The following MAPKAP1 variants were observed in gnomAD, a reference collection of about 807,000 sequenced individuals.
The protein encoded by MAPKAP1 is target of rapamycin complex 2 subunit MAPKAP1.
In MAPKAP1, 20 loss-of-function variants were observed where a neutral mutation model predicts 65.7. That is an observed-to-expected ratio of 0.30 (90% CI 0.21 to 0.44). The LOEUF (loss-of-function observed/expected upper bound fraction) is 0.44. Ranked by LOEUF, MAPKAP1 falls within the 20% of genes least tolerant of loss-of-function variation. The pLI, the probability that MAPKAP1 is intolerant of heterozygous loss-of-function variation, is 1.00. For synonymous variants in MAPKAP1, 222 were observed against 244.3 expected (o/e 0.91, Z 0.85); for missense variants, 423 against 648.0 (o/e 0.65, Z 3.77).
intron 7 of MAPKAP1, among the ~76,000 whole-genome samples, chr9:125,511,171 CAT>C (rs1829289639): frequency 7.3e-6 from 1 of 136,176 alleles, no homozygotes; most frequent in Admixed American, 6.9e-5. Flanking sequence ...TCACCATCAT[CAT>C]CATCATCATC....
At chr9:125,471,255 G>A (rs964637627) in intron 9 of MAPKAP1, 2 of 152,300 alleles carry the variant, frequency 1.3e-5, no homozygotes, top group African/African-American at 2.4e-5. Context: ...AAAGAGAAAG[G>A]AGGCCCAGAA....
chr9:125,656,014 A>G (rs1044854471), intron 4 of MAPKAP1, among the ~76,000 whole-genome samples: 2 of 152,230 alleles, frequency 1.3e-5, no homozygotes, highest in African/African-American at 2.4e-5. Flanking sequence ...AACCTAAGTA[A>G]TTAACAATAA....
chr9:125,646,433 C>T (rs1222467218), intron 4 of MAPKAP1, among the ~76,000 whole-genome samples: 1 of 152,186 alleles, frequency 6.6e-6, no homozygotes, highest in African/African-American at 2.4e-5. Context: ...TTTCAGTTTC[C>T]TTCTCTGTAC....
In MAPKAP1 at chr9:125,680,473, A is replaced by AT. The variant is rs376468395; in HGVS notation, c.-69-7831dup. Among the ~76,000 whole-genome samples the AT allele has an allele frequency of 9.7e-3, 1,481 of 152,276 alleles. 12 individuals carry two copies. Among genetic ancestry groups the AT allele is most frequent in the Non-Finnish European group, 0.014 (957 of 67,998 alleles). The stretch of plus-strand genomic sequence containing the variant: ...TTAACTCTAAATTAAATCTTCATTT[A>AT]TTTTTTGGACTAGCAAAAATTGAGC... On this transcript the variant is annotated intron_variant, in intron 1 of 11. Coordinates refer to ENST00000265960, the MANE Select transcript of MAPKAP1 (RefSeq NM_001006617.3).
intron 4 of MAPKAP1, among the ~76,000 whole-genome samples, chr9:125,632,113 C>T (rs1347032245): frequency 6.6e-6 from 1 of 151,648 alleles, no homozygotes; most frequent in Non-Finnish European, 1.5e-5. Flanking sequence ...TCCCAGCTAC[C>T]TGGGAGGCTG....
Position 125,563,808 on chromosome 9 carries a change from C to A in MAPKAP1, c.672-3999G>T, listed in dbSNP as rs145491638. ...CTCTGCTCACTGAAACCTCTGCCTC[C>A]CAGTTTCAAGCGATTCTCCTGCCTC... On this transcript the variant is annotated intron_variant, in intron 5 of 11. Transcript: ENST00000265960. Among the ~76,000 whole-genome samples, 642 of 152,196 alleles carry A rather than the reference C, an allele frequency of 4.2e-3. 4 individuals are homozygous for A. The highest frequency in any genetic ancestry group is 0.014 in the African/African-American group (601 of 41,524).
At chr9:125,461,660 T>C (rs1325827292) in intron 10 of MAPKAP1, among the ~76,000 whole-genome samples, 1 of 152,174 alleles carries the variant, frequency 6.6e-6, no homozygotes, top group East Asian at 1.9e-4. Context: ...GAAAAGGCAA[T>C]TCAATAACTG....
At chr9:125,652,141 C>A in intron 4 of MAPKAP1, 1 of 1,308,882 alleles carries the variant, frequency 7.6e-7, no homozygotes, top group Non-Finnish European at 1.0e-6. Context: ...CAACATTTCT[C>A]GGTGGCTTCA....
chr9:125,661,929 A>G (rs1421463613), intron 3 of MAPKAP1, among the ~76,000 whole-genome samples: 3 of 152,194 alleles, frequency 2.0e-5, no homozygotes, highest in Non-Finnish European at 2.9e-5. Flanking sequence ...AAATTATAAG[A>G]AAAAAGTGAA....
chr9:125,706,618 C>G (rs1835768017), intron 1 of MAPKAP1, among the ~76,000 whole-genome samples: 1 of 152,032 alleles, frequency 6.6e-6, no homozygotes, highest in Non-Finnish European at 1.5e-5. Flanking sequence ...CGCAAGGAAA[C>G]AAGGACCACA....
intron 8 of MAPKAP1, among the ~76,000 whole-genome samples, chr9:125,504,500 G>A (rs924925464): frequency 2.0e-5 from 3 of 152,182 alleles, no homozygotes; most frequent in Admixed American, 1.3e-4. Flanking sequence ...TCCTAGGCCG[G>A]TGTGGTGGTT....
intron 4 of MAPKAP1, among the ~76,000 whole-genome samples, chr9:125,616,984 A>C (rs977920822): frequency 1.3e-5 from 2 of 152,240 alleles, no homozygotes; most frequent in African/African-American, 4.8e-5. Context: ...CTATGAAAAT[A>C]GTTTCCATAT....
intron 4 of MAPKAP1, among the ~76,000 whole-genome samples, chr9:125,608,817 C>G (rs905326659): frequency 1.3e-5 from 2 of 152,112 alleles, no homozygotes; most frequent in African/African-American, 4.8e-5. Flanking sequence ...TTCAAATAAG[C>G]CAATTTCCTT....
chr9:125,496,124 AAGG>A (rs756612881), intron 8 of MAPKAP1, among the ~76,000 whole-genome samples: 37 of 152,202 alleles, frequency 2.4e-4, no homozygotes, highest in Non-Finnish European at 4.7e-4. Flanking sequence ...GCCCACAAAG[AAGG>A]AGGACTTGTA....
chr9:125,544,487 C>A (rs528636724), intron 6 of MAPKAP1, among the ~76,000 whole-genome samples: 4 of 152,180 alleles, frequency 2.6e-5, no homozygotes, highest in African/African-American at 7.2e-5. Flanking sequence ...TGGAAAAAAA[C>A]CGCTAAGGAA....
At chr9:125,492,954 G>A (rs993568498) in intron 8 of MAPKAP1, among the ~76,000 whole-genome samples, 3 of 152,192 alleles carry the variant, frequency 2.0e-5, no homozygotes, top group African/African-American at 4.8e-5. Flanking sequence ...GTTCCCAGAT[G>A]ATGAAAGGAG....
At chr9:125,542,994 C>A (rs771806849) in intron 7 of MAPKAP1, 65 bp downstream of exon 7, 16 of 1,040,918 alleles carry the variant, frequency 1.5e-5, no homozygotes, top group African/African-American at 3.1e-5. Flanking sequence ...ACACACACAC[C>A]CCCTATGCCC....
chr9:125,686,921 C>T lies in MAPKAP1; in HGVS notation c.-69-14278G>A, dbSNP rs530101340. ...AGCTCACTGCAACCTCTGCCTCCCA[C>T]GTTCAAGTGATTCTCCTGCCTCAGC... On this transcript the variant is annotated intron_variant, in intron 1 of 11. Coordinates refer to ENST00000265960, the MANE Select transcript of MAPKAP1 (RefSeq NM_001006617.3). 3.3e-5 allele frequency among the ~76,000 whole-genome samples: 5 copies of T among 151,852 alleles called. No homozygotes were observed. The South Asian group carries it at 8.3e-4, about 25-fold the overall frequency.
At chr9:125,520,269 T>G (rs567625677) in intron 7 of MAPKAP1, among the ~76,000 whole-genome samples, 9 of 152,206 alleles carry the variant, frequency 5.9e-5, no homozygotes, top group Non-Finnish European at 1.2e-4. Flanking sequence ...ATAAAGTCTG[T>G]AGCTTTAGCT....
Sources: allele counts gnomAD v4.1 joint callset (sites outside exome capture counted in the v4.1 genomes callset), GRCh38; gene constraint gnomAD v4.1.1; transcripts MANE v1.5; gene names NCBI Gene and HGNC (gene_info 2026-07-23, HGNC 2026-07-21).